Variants in MIS18A observed in about 807,000 individuals in gnomAD.
The protein encoded by MIS18A is MIS18 kinetochore protein A, also known as protein Mis18-alpha.
In MIS18A, 14 loss-of-function variants were observed where a neutral mutation model predicts 25.0. That is an observed-to-expected ratio of 0.56 (90% CI 0.37 to 0.88). MIS18A has a LOEUF of 0.88. Ranked by LOEUF, MIS18A falls within the 40% of genes least tolerant of loss-of-function variation. The pLI is 0.00. For synonymous variants in MIS18A, 134 were observed against 118.6 expected (o/e 1.13, Z -0.84); for missense variants, 292 against 290.8 (o/e 1.00, Z -0.03).
chr21:32,277,719 C>G (rs1601082595), intron 1 of MIS18A: 1 of 152,154 alleles, frequency 6.6e-6, no homozygotes, highest in Non-Finnish European at 1.5e-5. Context: ...CTCCGGATCT[C>G]GTGATCCGCC....
chr21:32,243,702 T>C, the MIS18A span, among the ~76,000 whole-genome samples: 8 of 152,290 alleles, frequency 5.3e-5, no homozygotes, highest in East Asian at 1.5e-3. Flanking sequence ...AAAATTTGTA[T>C]GCAGATACTT....
the MIS18A span, among the ~76,000 whole-genome samples, chr21:32,233,219 T>C: frequency 6.6e-6 from 1 of 152,212 alleles, no homozygotes; most frequent in South Asian, 2.1e-4. Context: ...ACCACAGCTC[T>C]TTGCTATGTA....
At chr21:32,184,188 C>T in the MIS18A span, among the ~76,000 whole-genome samples, 61 of 152,324 alleles carry the variant, frequency 4.0e-4, no homozygotes, top group Non-Finnish European at 6.0e-4. Context: ...CATCCCCGCT[C>T]AGGAAATTAT....
At chr21:32,270,069 A>G (rs991094449) in intron 3 of MIS18A, among the ~76,000 whole-genome samples, 1 of 152,160 alleles carries the variant, frequency 6.6e-6, no homozygotes, top group Non-Finnish European at 1.5e-5. Context: ...GTGAGACCCC[A>G]TATCTTAAAA....
chr21:32,254,990 G>A, the MIS18A span, among the ~76,000 whole-genome samples: 3 of 152,174 alleles, frequency 2.0e-5, no homozygotes, highest in East Asian at 3.8e-4. Flanking sequence ...AGTTGCAAAA[G>A]TATATTTGGT....
the MIS18A span, among the ~76,000 whole-genome samples, chr21:32,188,250 T>C: frequency 1.8e-4 from 28 of 152,236 alleles, no homozygotes; most frequent in Non-Finnish European, 3.7e-4. Flanking sequence ...TCATGCATGT[T>C]GGCAGAACAC....
chr21:32,273,084 C>A (rs946500327), intron 2 of MIS18A, among the ~76,000 whole-genome samples: 9 of 150,958 alleles, frequency 6.0e-5, no homozygotes, highest in Admixed American at 5.3e-4. Flanking sequence ...TGTACTATTA[C>A]TAATTTATCT....
At chr21:32,249,396 G>A in the MIS18A span, among the ~76,000 whole-genome samples, 1 of 152,164 alleles carries the variant, frequency 6.6e-6, no homozygotes, top group Non-Finnish European at 1.5e-5. Flanking sequence ...CAGGTGCAGT[G>A]AGCATGCCGC....
At chr21:32,239,104 T>C in the MIS18A span, among the ~76,000 whole-genome samples, 1 of 152,234 alleles carries the variant, frequency 6.6e-6, no homozygotes, top group African/African-American at 2.4e-5. Flanking sequence ...ACCTGTGCAA[T>C]GGGATTATGA....
chr21:32,185,381 C>T, the MIS18A span, among the ~76,000 whole-genome samples: 3 of 152,312 alleles, frequency 2.0e-5, no homozygotes, highest in Admixed American at 1.3e-4. Context: ...TGGGCTCCTC[C>T]AGGCCATGCT....
chr21:32,204,287 C>T, the MIS18A span, among the ~76,000 whole-genome samples: 6 of 151,950 alleles, frequency 3.9e-5, no homozygotes, highest in African/African-American at 1.4e-4. Flanking sequence ...TCATGAGGTC[C>T]ACAGTTCAAG....
the MIS18A span, among the ~76,000 whole-genome samples, chr21:32,232,777 G>C: frequency 6.6e-6 from 1 of 152,026 alleles, no homozygotes; most frequent in Non-Finnish European, 1.5e-5. Context: ...AAGAGATATA[G>C]GTCAAAGGAG....
chr21:32,196,359 C>T, the MIS18A span, among the ~76,000 whole-genome samples: 1 of 152,322 alleles, frequency 6.6e-6, no homozygotes, highest in Middle Eastern at 3.4e-3. Flanking sequence ...GCTCTACCAC[C>T]TCTTAGGTCT....
the MIS18A span, among the ~76,000 whole-genome samples, chr21:32,249,108 T>C: frequency 6.6e-6 from 1 of 152,224 alleles, no homozygotes; most frequent in Admixed American, 6.5e-5. Flanking sequence ...ACTCTGAGGC[T>C]CCCTGGCAGA....
At chr21:32,228,096 TTTTG>T in the MIS18A span, among the ~76,000 whole-genome samples, 1 of 152,162 alleles carries the variant, frequency 6.6e-6, no homozygotes, top group Non-Finnish European at 1.5e-5. Context: ...TGTTTGTTTG[TTTTG>T]TTTTATGAGA....
chr21:32,269,884 G>A (rs2031680995), intron 3 of MIS18A, 81 bp from the exon 4 acceptor site: 1 of 868,996 alleles, frequency 1.2e-6, no homozygotes, highest in South Asian at 1.4e-5. Flanking sequence ...GGCTGAGACA[G>A]AAGGATCATC....
chr21:32,195,686 G>A, the MIS18A span, among the ~76,000 whole-genome samples: 1 of 152,166 alleles, frequency 6.6e-6, no homozygotes, highest in Non-Finnish European at 1.5e-5. Flanking sequence ...CTCCAGAGCA[G>A]CTTAGAGGAA....
At chr21:32,278,531 T>C (rs2031861507) in intron 1 of MIS18A, 150 bp downstream of exon 1, 1 of 865,464 alleles carries the variant, frequency 1.2e-6, no homozygotes, top group Non-Finnish European at 1.7e-6. Context: ...TCCTCCCCTT[T>C]TCCTGCCACA....
the MIS18A span, among the ~76,000 whole-genome samples, chr21:32,252,399 GAAGAA>G: frequency 6.8e-6 from 1 of 147,138 alleles, no homozygotes; most frequent in African/African-American, 2.5e-5. Flanking sequence ...GAAAGAAGGA[GAAGAA>G]AAGAAGAAGA....
Sources: allele counts gnomAD v4.1 joint callset (sites outside exome capture counted in the v4.1 genomes callset), GRCh38; gene constraint gnomAD v4.1.1; transcripts MANE v1.5; gene names NCBI Gene and HGNC (gene_info 2026-07-23, HGNC 2026-07-21).